PRR5L: variants seen among roughly 807,000 people sequenced by gnomAD.
The protein encoded by PRR5L is proline-rich protein 5-like.
A neutral mutation model predicts 36.4 loss-of-function variants in PRR5L; 21 were observed. The ratio of observed to expected loss-of-function variants is 0.58; its 90% CI spans 0.41 to 0.83. The LOEUF (loss-of-function observed/expected upper bound fraction) is 0.83, where lower values mean the gene tolerates loss of function less well. Ranked by LOEUF, PRR5L falls within the 40% of genes least tolerant of loss-of-function variation. The pLI is 0.00. For missense variants in PRR5L, 381 were observed against 473.3 expected (o/e 0.80, Z 1.81); for synonymous variants, 188 against 197.0 (o/e 0.95, Z 0.38).
chr11:36,372,199 T>C (rs865921853), intron 1 of PRR5L, among the ~76,000 whole-genome samples: 10 of 152,236 alleles, frequency 6.6e-5, no homozygotes, highest in South Asian at 2.1e-4. Flanking sequence ...CTGTCCTTTT[T>C]TGCCTGTGTA....
At chr11:36,305,085 G>A (rs576416892) in intron 1 of PRR5L, among the ~76,000 whole-genome samples, 9 of 152,308 alleles carry the variant, frequency 5.9e-5, no homozygotes, top group Non-Finnish European at 1.0e-4. Flanking sequence ...AATGTTCATA[G>A]CAGCATTATT....
intron 1 of PRR5L, among the ~76,000 whole-genome samples, chr11:36,345,137 T>C (rs1214742766): frequency 6.6e-6 from 1 of 151,952 alleles, no homozygotes. Context: ...GTGGGACTGA[T>C]GGTTGTGTTC....
rs570673593 is a variant in PRR5L at position 36,367,100 on chromosome 11, A to ATTT, written c.-125-33893_-125-33891dup. 1.5e-3 allele frequency among the ~76,000 whole-genome samples: 232 copies of ATTT among 152,070 alleles called. 1 individual carries two copies. The highest frequency in any genetic ancestry group is 5.4e-3 in the African/African-American group (225 of 41,492). ...CTGAAGTGGGAAGGGTGTAAATGTCATTTTTTATTTTTAAGATTACGACTG... is the reference window on the plus strand; with the variant it reads ...CTGAAGTGGGAAGGGTGTAAATGTCATTTTTTTTTATTTTTAAGATTACGACTG... On this transcript the variant is annotated intron_variant, in intron 1 of 8. Coordinates refer to ENST00000530639, the MANE Select transcript of PRR5L (RefSeq NM_001160167.2).
At chr11:36,397,609 A>T (rs1322939694) in intron 1 of PRR5L, among the ~76,000 whole-genome samples, 2 of 150,222 alleles carry the variant, frequency 1.3e-5, no homozygotes, top group African/African-American at 4.9e-5. Flanking sequence ...GGCACGCACC[A>T]CCATGCCCGG....
At chr11:36,420,872 C>CACACACAT (rs2133584351) in intron 4 of PRR5L, among the ~76,000 whole-genome samples, 1 of 151,106 alleles carries the variant, frequency 6.6e-6, no homozygotes, top group East Asian at 1.9e-4. Context: ...CACACACACA[C>CACACACAT]ACACACGGAC....
rs368118100 is a variant in PRR5L at position 36,351,553 on chromosome 11, A to T, written c.-125-49444A>T. On this transcript the variant is annotated intron_variant, in intron 1 of 8. Coordinates refer to ENST00000530639, the MANE Select transcript of PRR5L (RefSeq NM_001160167.2). ...TTTATATAAATATATATTTATATATATTTATATATTTATATATTTATATAA... is the reference window on the plus strand; with the variant it reads ...TTTATATAAATATATATTTATATATTTTTATATATTTATATATTTATATAA... 3.1e-3 allele frequency among the ~76,000 whole-genome samples: 14 copies of T among 4,500 alleles called. 4 individuals are homozygous for T. The highest frequency in any genetic ancestry group is 0.012 in the African/African-American group (12 of 988). The allele number at this position is 4,500 out of a possible 152,430, so 3.0% of individuals were successfully genotyped here.
At chr11:36,346,627 A>G (rs973266690) in intron 1 of PRR5L, among the ~76,000 whole-genome samples, 2 of 152,280 alleles carry the variant, frequency 1.3e-5, no homozygotes, top group Non-Finnish European at 2.9e-5. Flanking sequence ...AGCATTGTCC[A>G]TAGTGACAGA....
chr11:36,433,037 T>G (rs149456521), intron 5 of PRR5L, among the ~76,000 whole-genome samples: 186 of 152,278 alleles, frequency 1.2e-3, no homozygotes, highest in African/African-American at 4.2e-3. Flanking sequence ...CGATGACATT[T>G]TTTTTTCAAC....
intron 1 of PRR5L, among the ~76,000 whole-genome samples, chr11:36,309,659 T>TGGTGGTATTGAGGATGATG: frequency 6.6e-6 from 1 of 151,938 alleles, no homozygotes; most frequent in Non-Finnish European, 1.5e-5. Flanking sequence ...ATGATGATGG[T>TGGTGGTATTGAGGATGATG]GGTGGTGGTA....
intron 1 of PRR5L, among the ~76,000 whole-genome samples, chr11:36,363,858 G>A (rs989382309): frequency 1.3e-5 from 2 of 152,210 alleles, no homozygotes; most frequent in African/African-American, 4.8e-5. Context: ...CTTTCAACCA[G>A]GAAATCTAAA....
At chr11:36,370,684 A>C (rs1423362240) in intron 1 of PRR5L, among the ~76,000 whole-genome samples, 1 of 152,218 alleles carries the variant, frequency 6.6e-6, no homozygotes, top group Non-Finnish European at 1.5e-5. Flanking sequence ...GTTTGAGACC[A>C]GCCTGGCCAA....
chr11:36,422,662 C>A (rs1858293821), intron 4 of PRR5L, among the ~76,000 whole-genome samples: 1 of 152,092 alleles, frequency 6.6e-6, no homozygotes, highest in Non-Finnish European at 1.5e-5. Context: ...ATGAAAATGA[C>A]CCCAGGTGAG....
intron 3 of PRR5L, among the ~76,000 whole-genome samples, chr11:36,416,519 G>A (rs2133578633): frequency 6.6e-6 from 1 of 152,240 alleles, no homozygotes; most frequent in South Asian, 2.1e-4. Flanking sequence ...ATCACTATCA[G>A]CATGGCGAAA....
chr11:36,411,523 T>G (rs530284802), intron 3 of PRR5L, among the ~76,000 whole-genome samples: 1 of 152,300 alleles, frequency 6.6e-6, no homozygotes, highest in Non-Finnish European at 1.5e-5. Context: ...GTTTCTCATT[T>G]TGGTCAGGCC....
intron 1 of PRR5L, among the ~76,000 whole-genome samples, chr11:36,399,599 A>T (rs11033589): frequency 0.027 from 4,120 of 152,310 alleles, 190 homozygotes; most frequent in African/African-American, 0.091. Flanking sequence ...TTTTTCTTGC[A>T]TCATTAGTTT....
At chr11:36,407,472 CAA>C (rs1215979259) in intron 3 of PRR5L, among the ~76,000 whole-genome samples, 1 of 152,216 alleles carries the variant, frequency 6.6e-6, no homozygotes, top group Non-Finnish European at 1.5e-5. Context: ...ACAGAATCCT[CAA>C]AGAGTGGTGC....
chr11:36,462,857 A>G lies in PRR5L; in HGVS notation c.*121A>G. 1.0e-6 allele frequency: 1 copy of G among 974,190 alleles called. No homozygotes were observed. Among genetic ancestry groups the G allele is most frequent in the South Asian group, 1.9e-5 (1 of 52,840 alleles). 60.3% of individuals were successfully genotyped at this position (974,190 alleles called of 1,614,324 possible). Reference sequence around the variant, plus strand: ...GATGCTGCCTTATTTCCTTTAGGGTACTGTCCTGGTCAAAATGACCTAAGG... The same window carrying G: ...GATGCTGCCTTATTTCCTTTAGGGTGCTGTCCTGGTCAAAATGACCTAAGG... On this transcript the variant is annotated 3_prime_UTR_variant, in exon 9 of 9. Transcript: ENST00000530639.
At position 36,463,450 on chromosome 11, in the gene PRR5L, C is replaced by T. The variant is rs1428932184; in HGVS notation, c.*714C>T. ...GTCTTTCATTGAGCCTTAGCATTTC[C>T]CTCTCAGGCTTCCTCTCAAGCTCAA... On this transcript the variant is annotated 3_prime_UTR_variant, in exon 9 of 9. Coordinates refer to ENST00000530639, the MANE Select transcript of PRR5L (RefSeq NM_001160167.2). 2 of 152,170 alleles carry T rather than the reference C, an allele frequency of 1.3e-5. No individual in the cohort carries two copies. The highest frequency in any genetic ancestry group is 4.8e-5 in the African/African-American group (2 of 41,382). 9.4% of individuals were successfully genotyped at this position (152,170 alleles called of 1,614,324 possible).
intron 1 of PRR5L, among the ~76,000 whole-genome samples, chr11:36,351,047 T>TATAAATATATGTATTTTATATATAAA (rs1360394188): frequency 2.8e-5 from 1 of 36,032 alleles, no homozygotes; most frequent in African/African-American, 1.8e-4. Flanking sequence ...TTAATATATT[T>TATAAATATATGTATTTTATATATAAA]TATATGTATT....
Sources: gnomAD v4.1 joint callset for allele counts (sites outside exome capture counted in the v4.1 genomes callset) on GRCh38, gnomAD v4.1.1 for gene constraint, MANE v1.5 for transcripts, NCBI Gene and HGNC (gene_info 2026-07-23, HGNC 2026-07-21) for gene names.